The following SHANK2 variants were observed in gnomAD, a reference collection of about 807,000 sequenced individuals.
SHANK2 encodes the protein SH3 and multiple ankyrin repeat domains 2.
SHANK2 carries 43 observed loss-of-function variants against 133.7 expected under a neutral mutation model. That is an observed-to-expected ratio of 0.32 (90% CI 0.25 to 0.41). SHANK2 has a LOEUF of 0.41. Ranked by LOEUF, SHANK2 falls within the 10% of genes least tolerant of loss-of-function variation. The pLI, the probability that SHANK2 is intolerant of heterozygous loss-of-function variation, is 1.00. For synonymous variants in SHANK2, 1,017 were observed against 952.8 expected (o/e 1.07, Z -1.24); for missense variants, 1,994 against 2,235.8 (o/e 0.89, Z 2.18).
intron 17 of SHANK2, among the ~76,000 whole-genome samples, chr11:70,596,891 G>A (rs1364793910): frequency 5.9e-5 from 9 of 152,192 alleles, no homozygotes; most frequent in Admixed American, 4.6e-4. Flanking sequence ...GCACAGGCTT[G>A]GAGGCAAGGG....
rs1055723869 is a variant in SHANK2 at position 70,810,834 on chromosome 11, A to C, written c.1494-3663T>G. Among the ~76,000 whole-genome samples, 15 of 152,180 alleles carry C rather than the reference A, an allele frequency of 9.9e-5. 1 individual carries two copies. The highest frequency in any genetic ancestry group is 3.4e-4 in the African/African-American group (14 of 41,442). On this transcript the variant is annotated intron_variant, in intron 12 of 25. Coordinates refer to ENST00000601538, the MANE Select transcript of SHANK2 (RefSeq NM_012309.5). ...CTCCGAGGGCAGTCACTGTCTCTGCATTGACCATTATCCAGGCTGGACCGG... is the reference window on the plus strand; with the variant it reads ...CTCCGAGGGCAGTCACTGTCTCTGCCTTGACCATTATCCAGGCTGGACCGG...
At chr11:70,843,797 AC>A (rs1948952959) in intron 11 of SHANK2, among the ~76,000 whole-genome samples, 1 of 152,120 alleles carries the variant, frequency 6.6e-6, no homozygotes, top group Non-Finnish European at 1.5e-5. Flanking sequence ...CTTAGAGGAC[AC>A]ACGAGTCAAC....
intron 10 of SHANK2, among the ~76,000 whole-genome samples, chr11:70,913,898 A>G (rs1950230625): frequency 1.3e-5 from 2 of 152,160 alleles, no homozygotes; most frequent in African/African-American, 4.8e-5. Context: ...TAACCACACA[A>G]TCATCTCATT....
intron 21 of SHANK2, among the ~76,000 whole-genome samples, chr11:70,495,364 G>T (rs555623168): frequency 1.3e-5 from 2 of 152,304 alleles, no homozygotes; most frequent in South Asian, 4.1e-4. Flanking sequence ...CCCTGGCCTC[G>T]CCGATCAGCT....
At chr11:70,677,688 G>T (rs898211165) in intron 15 of SHANK2, among the ~76,000 whole-genome samples, 2 of 152,124 alleles carry the variant, frequency 1.3e-5, no homozygotes, top group Non-Finnish European at 2.9e-5. Context: ...AGAGCACCAG[G>T]TCCAACACAG....
intron 10 of SHANK2, among the ~76,000 whole-genome samples, chr11:70,901,722 C>T (rs1025093736): frequency 2.6e-5 from 4 of 152,146 alleles, no homozygotes; most frequent in Non-Finnish European, 5.9e-5. Context: ...GACTTCCTGT[C>T]GCCTCCCTCT....
chr11:71,148,216 C>G (rs1168412127), intron 2 of SHANK2, among the ~76,000 whole-genome samples: 5 of 152,110 alleles, frequency 3.3e-5, no homozygotes, highest in African/African-American at 1.2e-4. Context: ...TCCCAAGTAG[C>G]TGGGATTGCA....
At chr11:71,112,993 C>T (rs781825814) in intron 5 of SHANK2, among the ~76,000 whole-genome samples, 1 of 152,332 alleles carries the variant, frequency 6.6e-6, no homozygotes, top group Non-Finnish European at 1.5e-5. Context: ...CCACGCCAGG[C>T]GTCCAGATCC....
intron 14 of SHANK2, among the ~76,000 whole-genome samples, chr11:70,742,668 G>GC (rs1332317867): frequency 6.6e-6 from 1 of 152,192 alleles, no homozygotes; most frequent in Admixed American, 6.5e-5. Context: ...ATGAATGTCA[G>GC]CACTAATCTG....
intron 15 of SHANK2, among the ~76,000 whole-genome samples, chr11:70,665,475 T>G (rs61886404): frequency 0.075 from 11,363 of 152,226 alleles, 485 homozygotes; most frequent in Middle Eastern, 0.12. Context: ...CTTGTAACTG[T>G]GCAAAGATCT....
chr11:70,573,560 T>G (rs868967794), intron 17 of SHANK2, among the ~76,000 whole-genome samples: 4,763 of 94,084 alleles, frequency 0.051, 1 homozygote, highest in Middle Eastern at 0.09. Flanking sequence ...GGGGGGGGGG[T>G]GGGGCATGGC....
At position 70,949,902 on chromosome 11, in the gene SHANK2, C is replaced by T. The variant is rs552646969; in HGVS notation, c.1108-53335G>A. Reference sequence around the variant, plus strand: ...TATGCCAAAACACCTGAGGCTGGGTCGATTATAAATGGCAGAAATCTATGG... The same window carrying T: ...TATGCCAAAACACCTGAGGCTGGGTTGATTATAAATGGCAGAAATCTATGG... On this transcript the variant is annotated intron_variant, in intron 10 of 25. Transcript: ENST00000601538. Among the ~76,000 whole-genome samples the T allele has an allele frequency of 1.9e-4, 29 of 152,274 alleles. No individual in the cohort carries two copies. The East Asian group carries it at 3.7e-3, about 19-fold the overall frequency.
chr11:70,799,074 G>A (rs1947986029), intron 13 of SHANK2, among the ~76,000 whole-genome samples: 2 of 152,164 alleles, frequency 1.3e-5, no homozygotes, highest in South Asian at 4.1e-4. Flanking sequence ...GCTCTGTCTG[G>A]ATCTTCTAAA....
chr11:71,113,259 CTAACGTGTAAA>C, intron 5 of SHANK2, 23 bp downstream of exon 5: 1 of 1,540,398 alleles, frequency 6.5e-7, no homozygotes, highest in South Asian at 1.2e-5. Context: ...CGCCGCCTGC[CTAACGTGTAAA>C]TAACAGCCCG....
chr11:70,631,415 C>T (rs1393010806), intron 17 of SHANK2, among the ~76,000 whole-genome samples: 1 of 152,064 alleles, frequency 6.6e-6, no homozygotes, highest in Admixed American at 6.6e-5. Flanking sequence ...CACACCCACA[C>T]AACCTCCCTC....
intron 17 of SHANK2, among the ~76,000 whole-genome samples, chr11:70,637,603 G>A (rs1300686530): frequency 2.6e-5 from 4 of 152,224 alleles, no homozygotes; most frequent in African/African-American, 9.6e-5. Context: ...TGTGACCCGT[G>A]GGAGGCCGCT....
At chr11:71,084,483 G>C (rs1196661222) in intron 8 of SHANK2, among the ~76,000 whole-genome samples, 1 of 152,212 alleles carries the variant, frequency 6.6e-6, no homozygotes, top group African/African-American at 2.4e-5. Context: ...CTGTGAGCAG[G>C]CCTGGCTGTG....
chr11:71,083,175 A>G (rs2136010396), intron 8 of SHANK2, among the ~76,000 whole-genome samples: 1 of 152,298 alleles, frequency 6.6e-6, no homozygotes, highest in East Asian at 1.9e-4. Flanking sequence ...TTCTAGGCTC[A>G]AGTGATCTGC....
At chr11:70,555,337 A>AT (rs782622906) in intron 17 of SHANK2, among the ~76,000 whole-genome samples, 1 of 152,258 alleles carries the variant, frequency 6.6e-6, no homozygotes, top group Non-Finnish European at 1.5e-5. Flanking sequence ...GCTAGAAACA[A>AT]TTAAGCTTAG....
Sources: allele counts gnomAD v4.1 joint callset (sites outside exome capture counted in the v4.1 genomes callset), GRCh38; gene constraint gnomAD v4.1.1; transcripts MANE v1.5; gene names NCBI Gene and HGNC (gene_info 2026-07-23, HGNC 2026-07-21).